PRIM2: variants seen among roughly 807,000 people sequenced by gnomAD.
PRIM2 encodes DNA primase large subunit.
In PRIM2, 39 loss-of-function variants were observed where a neutral mutation model predicts 67.3. The ratio of observed to expected loss-of-function variants is 0.58; its 90% confidence interval spans 0.45 to 0.76. The LOEUF is 0.76. PRIM2 is among the 30% of genes least tolerant of loss of function. The probability of loss-of-function intolerance (pLI) is 0.00; values close to 1 mark genes in which losing one functional copy is unlikely to be tolerated. For synonymous variants in PRIM2, 143 were observed against 198.7 expected, an observed-to-expected ratio of 0.72 and a Z score of 2.36; for missense variants, 398 against 598.7, an observed-to-expected ratio of 0.66 and a Z score of 3.50.
At chr6:57,300,194 T>C in the PRIM2 span, among the ~76,000 whole-genome samples, 3 of 152,248 alleles carry the variant, frequency 2.0e-5, no homozygotes, top group Admixed American at 6.5e-5. Context: ...GGCCTGCAGA[T>C]GCATTGTCCA....
chr6:57,430,686 C>A (rs74649648), intron 7 of PRIM2, among the ~76,000 whole-genome samples: 1 of 151,984 alleles, frequency 6.6e-6, no homozygotes, highest in African/African-American at 2.4e-5. Flanking sequence ...GTCTCGAACT[C>A]CTGACCTCAG....
the PRIM2 span, among the ~76,000 whole-genome samples, chr6:57,305,570 C>T: frequency 6.6e-6 from 1 of 152,332 alleles, no homozygotes; most frequent in South Asian, 2.1e-4. Flanking sequence ...ATAACTACGT[C>T]ATTTTAGAAC....
Position 57,340,487 on chromosome 6 carries a change from T to A in PRIM2, c.459+14442T>A, listed in dbSNP as rs368334788. Among the ~76,000 whole-genome samples, 691 of 151,952 alleles carry A rather than the reference T, an allele frequency of 4.5e-3. 7 individuals are homozygous for A. Among genetic ancestry groups the A allele is most frequent in the East Asian group, 0.04 (205 of 5,152 alleles). On this transcript the variant is annotated intron_variant, in intron 5 of 13. Coordinates refer to ENST00000615550, the MANE Select transcript of PRIM2 (RefSeq NM_000947.5). The stretch of plus-strand genomic sequence containing the variant: ...TCCAACAATGATAGACTGGATTAAG[T>A]AAATGTGGCACATATACACCATGGA...
chr6:57,229,434 A>G, the PRIM2 span, among the ~76,000 whole-genome samples: 1 of 151,960 alleles, frequency 6.6e-6, no homozygotes. Context: ...TAGTCAAATT[A>G]TTGTATTCAT....
chr6:57,493,935 C>A (rs1554346176), intron 7 of PRIM2: 3 of 152,274 alleles, frequency 2.0e-5, no homozygotes, highest in Admixed American at 6.5e-5. Flanking sequence ...GGTTATCCAT[C>A]AAACACTATC....
rs768621037 is a variant in PRIM2, at chr6:57,382,105, A to G, written c.630A>G (p.Pro210=). 7 of 1,613,340 alleles carry G rather than the reference A, an allele frequency of 4.3e-6. No individual in the cohort carries two copies. In the Admixed American group the frequency reaches 5.0e-5, roughly 12 times the overall value. ...VYLEDGFAYV[P]LKDIVAIILN... ...TGGAAGATGGCTTTGCTTACGTACC[A>G]CTTAAGGACATTGTGGCAATCATCC... is the stretch of plus-strand genomic sequence containing the variant. The change falls in exon 7 of 14, where the codon CCA becomes CCG. Residue 210 remains proline, a synonymous_variant. Transcript: ENST00000615550.
chr6:57,640,783 C>T (rs1172461500), intron 13 of PRIM2, among the ~76,000 whole-genome samples: 5 of 152,168 alleles, frequency 3.3e-5, no homozygotes, highest in African/African-American at 9.6e-5. Flanking sequence ...GAATCAATAT[C>T]GTGAAAATGG....
chr6:57,295,644 G>A, the PRIM2 span, among the ~76,000 whole-genome samples: 1 of 152,162 alleles, frequency 6.6e-6, no homozygotes, highest in Non-Finnish European at 1.5e-5. Context: ...AAATTTCCCA[G>A]GTACTAAAGG....
chr6:57,445,108 A>G (rs1424691390), intron 7 of PRIM2, among the ~76,000 whole-genome samples: 1 of 152,234 alleles, frequency 6.6e-6, no homozygotes, highest in Non-Finnish European at 1.5e-5. Context: ...TCTAACTGTC[A>G]TGATATATAT....
At chr6:57,230,704 G>A in the PRIM2 span, among the ~76,000 whole-genome samples, 1 of 152,168 alleles carries the variant, frequency 6.6e-6, no homozygotes, top group Non-Finnish European at 1.5e-5. Flanking sequence ...TCAGAGGCTT[G>A]CACAGTTTGG....
rs575424407 is a variant in PRIM2 at position 57,320,569 on chromosome 6, A to G, written c.258+9A>G. ...TCAAGTTTTCCTACAGAGTAAGTAA[A>G]AAAGGAAAAAAAAGTTCCTTCAGTT... On this transcript the variant is annotated intron_variant, in intron 3 of 13. Coordinates refer to ENST00000615550, the MANE Select transcript of PRIM2 (RefSeq NM_000947.5). 1.9e-6 allele frequency: 3 copies of G among 1,540,798 alleles called. No individual in the cohort carries two copies. In the African/African-American group the frequency reaches 4.1e-5, roughly 21 times the overall value.
At chr6:57,284,423 A>C in the PRIM2 span, among the ~76,000 whole-genome samples, 1 of 152,200 alleles carries the variant, frequency 6.6e-6, no homozygotes, top group Non-Finnish European at 1.5e-5. Flanking sequence ...TTCTGATCTT[A>C]AACAGTTTTT....
At chr6:57,416,978 T>TG (rs1190120471) in intron 7 of PRIM2, among the ~76,000 whole-genome samples, 2 of 151,558 alleles carry the variant, frequency 1.3e-5, no homozygotes, top group Admixed American at 1.3e-4. Context: ...TTTTCTTTTT[T>TG]TTTTTTGAGA....
chr6:57,338,120 A>C (rs1387926207), intron 5 of PRIM2, among the ~76,000 whole-genome samples: 4 of 151,692 alleles, frequency 2.6e-5, no homozygotes, highest in African/African-American at 9.7e-5. Context: ...GAAATGGGTA[A>C]ATTCCTCGAC....
At chr6:57,548,423 G>T (rs1357511959) in intron 10 of PRIM2, among the ~76,000 whole-genome samples, 20 of 152,168 alleles carry the variant, frequency 1.3e-4, no homozygotes, top group Admixed American at 6.5e-5. Context: ...GCCAAGCAAG[G>T]TTTTCAAGTT....
chr6:57,310,658 C>T (rs541656170), upstream of PRIM2, among the ~76,000 whole-genome samples: 7 of 151,274 alleles, frequency 4.6e-5, no homozygotes, highest in East Asian at 1.4e-3. Context: ...AGAGGCGCTC[C>T]TCACCTCCCA....
chr6:57,592,462 A>G (rs1776296906), intron 10 of PRIM2, among the ~76,000 whole-genome samples: 1 of 152,188 alleles, frequency 6.6e-6, no homozygotes, highest in Non-Finnish European at 1.5e-5. Context: ...TTTATTGTTC[A>G]AGCCGACCTT....
At chr6:57,641,278 TA>T (rs1372927488) in intron 13 of PRIM2, among the ~76,000 whole-genome samples, 16 of 151,996 alleles carry the variant, frequency 1.1e-4, no homozygotes, top group Admixed American at 1.0e-3. Context: ...CCTAAAACCA[TA>T]AAAACCCTAG....
chr6:57,238,993 AT>A, the PRIM2 span, among the ~76,000 whole-genome samples: 26 of 148,460 alleles, frequency 1.8e-4, no homozygotes, highest in South Asian at 4.3e-4. Flanking sequence ...TTCTTTTTTT[AT>A]TTTTTTTTTA....
Sources: allele counts gnomAD v4.1 joint callset (sites outside exome capture counted in the v4.1 genomes callset), GRCh38; gene constraint gnomAD v4.1.1; transcripts MANE v1.5; gene names NCBI Gene and HGNC (gene_info 2026-07-23, HGNC 2026-07-21).